Variants in NAALADL2 observed in about 807,000 individuals in gnomAD.
NAALADL2 encodes N-acetylated alpha-linked acidic dipeptidase like 2.
NAALADL2 carries 76 observed loss-of-function variants against 87.2 expected under a neutral mutation model. The observed-to-expected ratio is 0.87, with a 90% CI of 0.72 to 1.05. The LOEUF (loss-of-function observed/expected upper bound fraction) is 1.05, where lower values mean the gene tolerates loss of function less well. Among genes scored for constraint, NAALADL2 ranks in the 50% least tolerant of loss-of-function variants. The pLI is 0.00. For synonymous variants in NAALADL2, 354 were observed against 331.0 expected, an observed-to-expected ratio of 1.07 and a Z score of -0.75; for missense variants, 1,089 against 945.8, an observed-to-expected ratio of 1.15 and a Z score of -1.99.
chr3:174,802,137 A>G (rs1385670300), intron 3 of NAALADL2, among the ~76,000 whole-genome samples: 3 of 152,000 alleles, frequency 2.0e-5, no homozygotes, highest in East Asian at 3.9e-4. Context: ...TTCTAACAAT[A>G]TATTAAACAA....
At chr3:175,461,463 C>T (rs1723118572) in intron 6 of NAALADL2, among the ~76,000 whole-genome samples, 1 of 152,154 alleles carries the variant, frequency 6.6e-6, no homozygotes, top group Non-Finnish European at 1.5e-5. Flanking sequence ...GCTGGCTTCA[C>T]CTCTCAATCC....
chr3:175,299,139 G>A (rs573411717), intron 4 of NAALADL2, among the ~76,000 whole-genome samples: 1 of 152,020 alleles, frequency 6.6e-6, no homozygotes, highest in Admixed American at 6.6e-5. Flanking sequence ...TATCTGTTTT[G>A]GTACCAGTAC....
intron 2 of NAALADL2, among the ~76,000 whole-genome samples, chr3:175,102,506 T>C (rs1722384600): frequency 6.6e-6 from 1 of 152,184 alleles, no homozygotes; most frequent in African/African-American, 2.4e-5. Context: ...TATTTAAAGG[T>C]TCAGAAACTA....
At chr3:174,699,733 T>C (rs1269953781) in intron 2 of NAALADL2, among the ~76,000 whole-genome samples, 1 of 152,122 alleles carries the variant, frequency 6.6e-6, no homozygotes, top group African/African-American at 2.4e-5. Context: ...TTGTTCCTGC[T>C]AACTTATGAG....
intron 3 of NAALADL2, among the ~76,000 whole-genome samples, chr3:174,795,466 T>C (rs1156504376): frequency 5.9e-5 from 9 of 152,240 alleles, no homozygotes; most frequent in Admixed American, 5.2e-4. Flanking sequence ...ATGTTTCTAC[T>C]GTTTGGTTAT....
In NAALADL2 at chr3:174,546,514, C is replaced by A. The variant is rs143571325; in HGVS notation, c.-183-4055C>A. 5.9e-4 allele frequency among the ~76,000 whole-genome samples: 90 copies of A among 152,282 alleles called. 1 individual carries two copies. The highest frequency in any genetic ancestry group is 3.4e-3 in the Middle Eastern group (1 of 294). On this transcript the variant is annotated intron_variant, in intron 1 of 3. Transcript: ENST00000434257. ...GGTAATGCCACTTGCTGAACCCCCC[C>A]AGGGGTTCTGTGATACAAACTGACA...
At chr3:175,686,804 C>T (rs1437204952) in intron 11 of NAALADL2, among the ~76,000 whole-genome samples, 2 of 151,998 alleles carry the variant, frequency 1.3e-5, no homozygotes, top group East Asian at 3.9e-4. Context: ...TAAACATATC[C>T]TAATTTGAAG....
chr3:174,787,576 CATATAT>C (rs71300440), intron 3 of NAALADL2, among the ~76,000 whole-genome samples: 246 of 14,714 alleles, frequency 0.017, 9 homozygotes, highest in Middle Eastern at 0.056. Context: ...AATATATCAT[CATATAT>C]ATATATATAT....
At chr3:174,444,448 A>T (rs531438560) in intron 1 of NAALADL2, among the ~76,000 whole-genome samples, 1 of 152,270 alleles carries the variant, frequency 6.6e-6, no homozygotes, top group African/African-American at 2.4e-5. Flanking sequence ...AATTGCTTGA[A>T]ACAGAAAACT....
Position 175,082,295 on chromosome 3 carries a change from T to C in NAALADL2, c.44-14495T>C, listed in dbSNP as rs111302051. Among the ~76,000 whole-genome samples, 1,081 of 152,334 alleles carry C rather than the reference T, an allele frequency of 7.1e-3. 22 individuals are homozygous for C. Among genetic ancestry groups the C allele is most frequent in the African/African-American group, 0.025 (1,043 of 41,570 alleles). ...AAGGGTCTTGTGGATTCAAGTGGAA[T>C]GGAAGACTGGTTTTGGTTATTGGAG... is the stretch of plus-strand genomic sequence containing the variant. On this transcript the variant is annotated intron_variant, in intron 1 of 13. Transcript: ENST00000454872.
At chr3:175,763,111 T>TAAATAAATAAATAAATAAAA (rs528831785) in intron 13 of NAALADL2, among the ~76,000 whole-genome samples, 19 of 151,092 alleles carry the variant, frequency 1.3e-4, no homozygotes, top group African/African-American at 4.6e-4. Context: ...AATAAATAAA[T>TAAATAAATAAATAAATAAAA]AGTAAATAAA....
intron 2 of NAALADL2, among the ~76,000 whole-genome samples, chr3:174,560,298 C>A (rs980476028): frequency 1.3e-5 from 2 of 152,122 alleles, no homozygotes; most frequent in African/African-American, 4.8e-5. Context: ...GACTGCATAG[C>A]CTTAATGACA....
chr3:175,225,541 G>T (rs780978524), intron 2 of NAALADL2, among the ~76,000 whole-genome samples: 10 of 152,084 alleles, frequency 6.6e-5, no homozygotes, highest in Middle Eastern at 3.4e-3. Context: ...GGGAATCTTT[G>T]TTAGTGTTTA....
intron 1 of NAALADL2, among the ~76,000 whole-genome samples, chr3:174,882,816 T>TATACACAC (rs1560319849): frequency 5.8e-5 from 8 of 138,844 alleles, no homozygotes; most frequent in African/African-American, 2.5e-4. Flanking sequence ...TATGTGCATA[T>TATACACAC]GTGTATATAT....
At chr3:175,258,087 G>T (rs35940213) in intron 4 of NAALADL2, among the ~76,000 whole-genome samples, 40,780 of 151,590 alleles carry the variant, frequency 0.27, 6,559 homozygotes, top group South Asian at 0.52. Context: ...GGTGGGCAGA[G>T]CACGAGGTCA....
intron 1 of NAALADL2, among the ~76,000 whole-genome samples, chr3:174,456,374 A>G (rs560911610): frequency 5.8e-4 from 84 of 144,760 alleles, no homozygotes; most frequent in African/African-American, 2.1e-3. Context: ...ATTCCTATGG[A>G]TCCAAAAAGA....
At chr3:174,647,930 A>G (rs896374125) in intron 2 of NAALADL2, among the ~76,000 whole-genome samples, 9 of 152,186 alleles carry the variant, frequency 5.9e-5, no homozygotes, top group African/African-American at 9.6e-5. Context: ...GAAGCAAAAT[A>G]AAAAAACTTT....
At chr3:175,204,433 G>T (rs1285144900) in intron 2 of NAALADL2, among the ~76,000 whole-genome samples, 1 of 152,046 alleles carries the variant, frequency 6.6e-6, no homozygotes, top group Non-Finnish European at 1.5e-5. Context: ...GCATGCAGGG[G>T]CATATCTTAA....
At chr3:174,686,887 T>A (rs889710101) in intron 2 of NAALADL2, among the ~76,000 whole-genome samples, 1 of 152,050 alleles carries the variant, frequency 6.6e-6, no homozygotes, top group Non-Finnish European at 1.5e-5. Context: ...GATATAGGAA[T>A]GGGCAAAGAT....
Sources: gnomAD v4.1 joint callset for allele counts (sites outside exome capture counted in the v4.1 genomes callset) on GRCh38, gnomAD v4.1.1 for gene constraint, MANE v1.5 for transcripts, NCBI Gene and HGNC (gene_info 2026-07-23, HGNC 2026-07-21) for gene names.